NRXN1: variants seen among roughly 807,000 people sequenced by gnomAD.
NRXN1 encodes the protein neurexin-1.
A neutral mutation model predicts 150.9 loss-of-function variants in NRXN1; 39 were observed. The observed-to-expected ratio is 0.26, with a 90% CI of 0.20 to 0.34. NRXN1 has a LOEUF of 0.34. Ranked by LOEUF, NRXN1 falls within the 10% of genes least tolerant of loss-of-function variation. NRXN1 has a pLI of 1.00. For missense variants in NRXN1, 1,815 were observed against 1,949.9 expected (o/e 0.93, Z 1.30); for synonymous variants, 924 against 757.0 (o/e 1.22, Z -3.62).
At chr2:50,061,331 CT>C (rs759311990) in intron 19 of NRXN1, among the ~76,000 whole-genome samples, 4 of 152,100 alleles carry the variant, frequency 2.6e-5, no homozygotes, top group Non-Finnish European at 5.9e-5. Context: ...ATGACCTTTT[CT>C]TTTCTTTGGA....
intron 18 of NRXN1, among the ~76,000 whole-genome samples, chr2:50,229,308 T>C (rs950478138): frequency 3.7e-5 from 5 of 134,622 alleles, no homozygotes; most frequent in African/African-American, 1.5e-4. Flanking sequence ...ATTTTGCTTA[T>C]GGCTTTCAGC....
In NRXN1 at chr2:50,247,775, C is replaced by A. The variant is rs189615274; in HGVS notation, c.3365-10805G>T. ...TTTGATAGTGGACCACAGAAGAGGG[C>A]ATTAGTGGGACAACTGGCAAGGTTT... On this transcript the variant is annotated intron_variant, in intron 17 of 22. Transcript: ENST00000401669. 3.3e-3 allele frequency among the ~76,000 whole-genome samples: 509 copies of A among 152,046 alleles called. 2 individuals carry two copies. The highest frequency in any genetic ancestry group is 5.2e-3 in the Non-Finnish European group (351 of 67,980).
intron 17 of NRXN1, among the ~76,000 whole-genome samples, chr2:50,447,522 A>G (rs928330246): frequency 4.1e-5 from 6 of 146,942 alleles, no homozygotes; most frequent in African/African-American, 1.2e-4. Context: ...CTGTCCCAGA[A>G]AAGGTCGATC....
chr2:50,484,868 T>A (rs1330770245), intron 15 of NRXN1, among the ~76,000 whole-genome samples: 1 of 138,238 alleles, frequency 7.2e-6, no homozygotes, highest in African/African-American at 2.5e-5. Context: ...TTGATTAAGA[T>A]TTTTTATGGA....
chr2:50,803,744 G>A (rs1320125674), intron 5 of NRXN1, among the ~76,000 whole-genome samples: 1 of 152,106 alleles, frequency 6.6e-6, no homozygotes, highest in Non-Finnish European at 1.5e-5. Context: ...GGTCATAAGG[G>A]ATACTTACGT....
intron 2 of NRXN1, among the ~76,000 whole-genome samples, chr2:50,985,609 A>T (rs1275128852): frequency 6.6e-6 from 1 of 151,814 alleles, no homozygotes; most frequent in Non-Finnish European, 1.5e-5. Context: ...AATAATAAGG[A>T]AAAAAGGATC....
intron 8 of NRXN1, among the ~76,000 whole-genome samples, chr2:50,568,041 G>T (rs949303778): frequency 6.6e-6 from 1 of 152,068 alleles, no homozygotes; most frequent in African/African-American, 2.4e-5. Flanking sequence ...GTAAGTACCA[G>T]AATGAAATTT....
intron 9 of NRXN1, among the ~76,000 whole-genome samples, chr2:50,545,444 A>G (rs898798520): frequency 4.6e-5 from 7 of 152,098 alleles, no homozygotes; most frequent in African/African-American, 1.4e-4. Flanking sequence ...TAAACTGCCT[A>G]TCTTCTTAGG....
Position 50,347,227 on chromosome 2 carries a change from G to C in NRXN1, c.3365-110257C>G, listed in dbSNP as rs1450973666. On this transcript the variant is annotated intron_variant, in intron 17 of 22. Coordinates refer to ENST00000401669, the MANE Select transcript of NRXN1 (RefSeq NM_001330078.2). This position sits in a 1 kb window ranked among gnomAD's most constrained non-coding sequence, Gnocchi z 4.9. The stretch of plus-strand genomic sequence containing the variant: ...GCCCCGGGAACAGCAAGCGCGGAGC[G>C]GGTGGCTGCTCCCAGATTTCCAGGG... 7.5e-7 allele frequency: 1 copy of C among 1,333,340 alleles called. No individual in the cohort carries two copies. The highest frequency in any genetic ancestry group is 1.5e-5 in the African/African-American group (1 of 67,120). 82.6% of individuals were successfully genotyped at this position (1,333,340 alleles called of 1,614,324 possible).
At chr2:50,886,569 A>C (rs916566366) in intron 5 of NRXN1, among the ~76,000 whole-genome samples, 16 of 151,478 alleles carry the variant, frequency 1.1e-4, no homozygotes, top group Non-Finnish European at 2.4e-4. Flanking sequence ...TATAAGCATG[A>C]CTTTGAAGGC....
intron 18 of NRXN1, among the ~76,000 whole-genome samples, chr2:50,095,336 G>A (rs896151460): frequency 1.3e-5 from 2 of 152,202 alleles, no homozygotes. Context: ...ACCTTGGGAA[G>A]TACTTTCAAC....
chr2:50,066,376 A>T (rs1323193939), intron 19 of NRXN1, among the ~76,000 whole-genome samples: 1 of 152,236 alleles, frequency 6.6e-6, no homozygotes, highest in African/African-American at 2.4e-5. Flanking sequence ...AGACATAAGT[A>T]CGCAATTAAC....
intron 2 of NRXN1, among the ~76,000 whole-genome samples, chr2:50,939,007 C>T (rs71411519): frequency 0.25 from 37,525 of 151,786 alleles, 5,396 homozygotes; most frequent in Non-Finnish European, 0.33. Context: ...GTCAGGAGAT[C>T]GAGACCATCC....
At chr2:50,554,730 T>C (rs1337618451) in intron 8 of NRXN1, among the ~76,000 whole-genome samples, 2 of 152,152 alleles carry the variant, frequency 1.3e-5, no homozygotes, top group South Asian at 2.1e-4. Context: ...ACACATATAA[T>C]TGGTTTTTAT....
chr2:50,529,229 C>T (rs1403377331), intron 11 of NRXN1, among the ~76,000 whole-genome samples: 1 of 152,110 alleles, frequency 6.6e-6, no homozygotes, highest in Non-Finnish European at 1.5e-5. Flanking sequence ...GGATTCCATA[C>T]CTTGCGTTAA....
chr2:50,542,772 A>G (rs1280311222), intron 9 of NRXN1, among the ~76,000 whole-genome samples: 1 of 152,192 alleles, frequency 6.6e-6, no homozygotes, highest in Non-Finnish European at 1.5e-5. Context: ...CACATTTCCA[A>G]TAAGGGATTT....
chr2:50,858,575 TA>T (rs35706466), intron 5 of NRXN1, among the ~76,000 whole-genome samples: 37,964 of 150,318 alleles, frequency 0.25, 5,621 homozygotes, highest in Non-Finnish European at 0.35. Flanking sequence ...AAAGGCTACT[TA>T]AAAAAAAAAT....
At chr2:50,833,173 A>T (rs1182118685) in intron 5 of NRXN1, among the ~76,000 whole-genome samples, 16 of 152,208 alleles carry the variant, frequency 1.1e-4, no homozygotes, top group Admixed American at 1.0e-3. Flanking sequence ...AAAAACACTG[A>T]TAGTACCAAG....
chr2:50,629,348 T>TA (rs888284799), intron 5 of NRXN1, among the ~76,000 whole-genome samples: 1 of 151,150 alleles, frequency 6.6e-6, no homozygotes, highest in Non-Finnish European at 1.5e-5. Context: ...AATGTTTAGC[T>TA]AAAAAAAATG....
Sources: gnomAD v4.1 joint callset for allele counts (sites outside exome capture counted in the v4.1 genomes callset) on GRCh38, gnomAD v4.1.1 for gene constraint, Gnocchi (gnomAD v3.1) non-coding constraint, MANE v1.5 for transcripts, NCBI Gene and HGNC (gene_info 2026-07-23, HGNC 2026-07-21) for gene names.